Variants in FBP2 observed in about 807,000 individuals in gnomAD.
FBP2 encodes the protein fructose-bisphosphatase 2.
In FBP2, 27 loss-of-function variants were observed where a neutral mutation model predicts 31.6. The observed-to-expected ratio is 0.85, with a 90% CI of 0.63 to 1.18. FBP2 has a LOEUF of 1.18. FBP2 is among the 50% of genes most tolerant of loss of function. The pLI is 0.00. For missense variants in FBP2, 421 were observed against 436.1 expected (o/e 0.97, Z 0.31); for synonymous variants, 168 against 179.8 (o/e 0.93, Z 0.53).
intron 5 of FBP2, among the ~76,000 whole-genome samples, chr9:94,566,401 T>C (rs569272172): frequency 1.3e-5 from 2 of 152,394 alleles, no homozygotes; most frequent in South Asian, 4.1e-4. Flanking sequence ...GCACGAGTGA[T>C]CTGTGCCTTA....
chr9:94,590,498 G>A (rs1285820630), intron 1 of FBP2, among the ~76,000 whole-genome samples: 2 of 152,142 alleles, frequency 1.3e-5, no homozygotes, highest in Non-Finnish European at 2.9e-5. Flanking sequence ...TGGTCTCACT[G>A]ACTTCAAGAA....
At chr9:94,574,508 T>G (rs562502876) in intron 3 of FBP2, among the ~76,000 whole-genome samples, 2 of 152,190 alleles carry the variant, frequency 1.3e-5, no homozygotes, top group Non-Finnish European at 2.9e-5. Flanking sequence ...ATTCAACTTC[T>G]TGTTTATTTT....
chr9:94,563,879 CA>C (rs1359726753), intron 5 of FBP2, among the ~76,000 whole-genome samples: 2 of 151,964 alleles, frequency 1.3e-5, no homozygotes, highest in Admixed American at 1.3e-4. Flanking sequence ...CAATAAAGTT[CA>C]AAAAAGACGA....
rs1052625416 is a variant in FBP2 at position 94,563,410 on chromosome 9, C to T, written c.757G>A (p.Val253Met). ...CCTCCATAGACCAGGGTGCGGTGCACGTCAGCCACCATGGAGCCCACATAC... is the reference window on the plus strand; with the variant it reads ...CCTCCATAGACCAGGGTGCGGTGCATGTCAGCCACCATGGAGCCCACATAC... ...ARYVGSMVAD[V>M]HRTLVYGGIF... The change falls in exon 6 of 7, where the codon GTG (valine) becomes ATG (methionine). Residue 253 changes from valine to methionine, a missense_variant. By Grantham distance (21) the Val-to-Met change is conservative (BLOSUM62 1). Transcript: ENST00000375337. 6.2e-6 allele frequency: 10 copies of T among 1,613,832 alleles called. No individual in the cohort carries two copies. The highest frequency in any genetic ancestry group is 4.0e-5 in the African/African-American group (3 of 74,902).
At chr9:94,586,186 C>A (rs1041279103) in intron 2 of FBP2, among the ~76,000 whole-genome samples, 5 of 152,032 alleles carry the variant, frequency 3.3e-5, no homozygotes, top group African/African-American at 1.2e-4. Context: ...ACCAGCCTGG[C>A]CAACATGGCG....
rs373189920 is a variant in FBP2, at chr9:94,565,329, C to G, written c.706-1868G>C. On this transcript the variant is annotated intron_variant, in intron 5 of 6. Coordinates refer to ENST00000375337, the MANE Select transcript of FBP2 (RefSeq NM_003837.4). ...GGCGGAGGTTGCAGTGAGCTAAGAT[C>G]GTGCCACTTCAGCCTGGAGACAGAG... Among the ~76,000 whole-genome samples, 23 of 143,922 alleles carry G rather than the reference C, an allele frequency of 1.6e-4. No homozygotes were observed. In the East Asian group the frequency reaches 4.4e-3, roughly 28 times the overall value. The allele number at this position is 143,922 out of a possible 152,430, so 94.4% of individuals were successfully genotyped here. A position where few individuals can be genotyped will look rare whatever the true frequency, so the allele number is the denominator to read the frequency against.
chr9:94,561,273 C>A lies in FBP2; in HGVS notation c.825+2069G>T, dbSNP rs762546566. Among the ~76,000 whole-genome samples the A allele has an allele frequency of 2.6e-5, 4 of 151,084 alleles. No homozygotes were observed. The East Asian group carries it at 7.7e-4, about 29-fold the overall frequency. On this transcript the variant is annotated intron_variant, in intron 6 of 6. Transcript: ENST00000375337. The stretch of plus-strand genomic sequence containing the variant: ...ACTTTTGTTCTGACCTCAGATGCCC[C>A]TGTTGTAGGAAATTTAATATCAAAA...
chr9:94,562,591 GAGAC>G (rs1426294142), intron 6 of FBP2, among the ~76,000 whole-genome samples: 5 of 152,186 alleles, frequency 3.3e-5, no homozygotes, highest in African/African-American at 1.2e-4. Context: ...GTGACTCTGA[GAGAC>G]AGAAAAATGT....
intron 1 of FBP2, among the ~76,000 whole-genome samples, chr9:94,589,185 A>G (rs1827463825): frequency 6.6e-6 from 1 of 151,770 alleles, no homozygotes; most frequent in Non-Finnish European, 1.5e-5. Context: ...TCCACCCTGC[A>G]CCACTACAGC....
At chr9:94,575,685 C>A (rs1564184428) in intron 3 of FBP2, among the ~76,000 whole-genome samples, 1 of 152,110 alleles carries the variant, frequency 6.6e-6, no homozygotes, top group East Asian at 1.9e-4. Context: ...TAGGTCCTAT[C>A]AAATGTTTTC....
Position 94,559,013 on chromosome 9 carries a change from G to T in FBP2, c.945C>A (p.Val315=). 1 of 1,614,114 alleles carries T rather than the reference G, an allele frequency of 6.2e-7. No individual in the cohort carries two copies. The highest frequency in any genetic ancestry group is 8.5e-7 in the Non-Finnish European group (1 of 1,180,028). Residue 315 remains valine (V), a synonymous_variant, in exon 7 of 7, where the codon GTC becomes GTA. Coordinates refer to ENST00000375337, the MANE Select transcript of FBP2 (RefSeq NM_003837.4). ...CCTCTGGTGACCCCAGAATGAGGGGGACTCGCTGGTGAATTGCCTCGGGCT... is the reference window on the plus strand; with the variant it reads ...CCTCTGGTGACCCCAGAATGAGGGGTACTCGCTGGTGAATTGCCTCGGGCT... The part of the protein sequence containing the change: ...DVKPEAIHQR[V]PLILGSPEDV...
intron 5 of FBP2, among the ~76,000 whole-genome samples, chr9:94,563,725 TAAAC>T (rs1827143723): frequency 1.1e-5 from 1 of 94,728 alleles, no homozygotes; most frequent in African/African-American, 3.7e-5. Context: ...AAAGAGCCGC[TAAAC>T]AAACAAAGAA....
chr9:94,587,282 CG>C (rs755071625), intron 2 of FBP2, 24 bp downstream of exon 2: 5 of 1,582,484 alleles, frequency 3.2e-6, no homozygotes, highest in Non-Finnish European at 4.3e-6. Flanking sequence ...TACTGGCGAG[CG>C]GGCACCGCAG....
At chr9:94,562,138 C>A (rs938745517) in intron 6 of FBP2, among the ~76,000 whole-genome samples, 3 of 151,656 alleles carry the variant, frequency 2.0e-5, no homozygotes, top group Admixed American at 6.6e-5. Context: ...GGTGAAACCC[C>A]GTCTCTACTA....
intron 4 of FBP2, chr9:94,569,371 C>T (rs1201032434): frequency 1.3e-5 from 2 of 152,260 alleles, no homozygotes; most frequent in African/African-American, 4.8e-5. Flanking sequence ...AATGCAGTAA[C>T]TCCTTTCACT....
chr9:94,570,955 T>A (rs1827262589), intron 4 of FBP2: 1 of 152,328 alleles, frequency 6.6e-6, no homozygotes, highest in Non-Finnish European at 1.5e-5. Context: ...CCTTTTGGTC[T>A]AAGTGAACAA....
chr9:94,571,996 C>A (rs1390741600), intron 3 of FBP2, among the ~76,000 whole-genome samples: 1 of 152,150 alleles, frequency 6.6e-6, no homozygotes, highest in Non-Finnish European at 1.5e-5. Flanking sequence ...GCAGATAGCA[C>A]CATCACCTCC....
At chr9:94,581,671 A>T (rs1587844010) in intron 3 of FBP2, among the ~76,000 whole-genome samples, 1 of 152,210 alleles carries the variant, frequency 6.6e-6, no homozygotes, top group Non-Finnish European at 1.5e-5. Flanking sequence ...ATACCTTGAC[A>T]AAAAAGGGAG....
At chr9:94,565,921 C>A (rs1380096074) in intron 5 of FBP2, among the ~76,000 whole-genome samples, 2 of 152,128 alleles carry the variant, frequency 1.3e-5, no homozygotes, top group African/African-American at 4.8e-5. Flanking sequence ...TAATTACACC[C>A]ATTCATTTTT....
Sources: gnomAD v4.1 joint callset for allele counts (sites outside exome capture counted in the v4.1 genomes callset) on GRCh38, gnomAD v4.1.1 for gene constraint, MANE v1.5 for transcripts, NCBI Gene and HGNC (gene_info 2026-07-23, HGNC 2026-07-21) for gene names.